The following GPBP1L1 variants were observed in gnomAD, a reference collection of about 807,000 sequenced individuals.
The protein encoded by GPBP1L1 is GC-rich promoter binding protein 1 like 1.
Under a neutral mutation model 52.5 loss-of-function variants are expected in GPBP1L1, and 23 were observed. The ratio of observed to expected loss-of-function variants is 0.44; its 90% CI spans 0.32 to 0.62. The LOEUF is 0.62. Among genes scored for constraint, GPBP1L1 ranks in the 20% least tolerant of loss-of-function variants. The probability of loss-of-function intolerance (pLI) is 0.06; values close to 1 mark genes in which losing one functional copy is unlikely to be tolerated. For missense variants in GPBP1L1, 596 were observed against 579.3 expected, an observed-to-expected ratio of 1.03 and a Z score of -0.30; for synonymous variants, 243 against 203.1, an observed-to-expected ratio of 1.20 and a Z score of -1.67.
At chr1:45,629,709 A>G (rs376335212) in intron 11 of GPBP1L1, 31 bp from the exon 12 acceptor site, 3 of 1,371,946 alleles carry the variant, frequency 2.2e-6, no homozygotes, top group African/African-American at 2.8e-5. Context: ...GGTAAAGAGA[A>G]TACAACATCA....
At chr1:45,647,213 C>T (rs1395938806) in intron 6 of GPBP1L1, among the ~76,000 whole-genome samples, 1 of 140,228 alleles carries the variant, frequency 7.1e-6, no homozygotes, top group Admixed American at 7.7e-5. Flanking sequence ...TCTTGTTGCC[C>T]AGGCCGGAGT....
intron 2 of GPBP1L1, among the ~76,000 whole-genome samples, chr1:45,674,965 A>AT (rs1457110058): frequency 6.6e-6 from 1 of 152,112 alleles, no homozygotes; most frequent in African/African-American, 2.4e-5. Flanking sequence ...GCTTCCATGT[A>AT]GTCCTTTTCT....
chr1:45,664,316 G>A (rs907011828), intron 2 of GPBP1L1, among the ~76,000 whole-genome samples: 26 of 150,874 alleles, frequency 1.7e-4, no homozygotes, highest in African/African-American at 6.3e-4. Flanking sequence ...GTGAGACTCC[G>A]TCTCAAAAAA....
At chr1:45,663,066 C>CAAAAAAAAAAAA (rs1644966043) in intron 2 of GPBP1L1, among the ~76,000 whole-genome samples, 16 of 100,444 alleles carry the variant, frequency 1.6e-4, no homozygotes, top group Middle Eastern at 5.2e-3. Context: ...AAAAAAAAAG[C>CAAAAAAAAAAAA]AAAAAACCCC....
At chr1:45,677,057 C>T (rs928915009) in intron 2 of GPBP1L1, among the ~76,000 whole-genome samples, 2 of 151,656 alleles carry the variant, frequency 1.3e-5, no homozygotes, top group African/African-American at 4.8e-5. Context: ...AAAAAAAGGG[C>T]CAGTGCAGTG....
intron 6 of GPBP1L1, among the ~76,000 whole-genome samples, chr1:45,650,419 T>A (rs1644806042): frequency 6.6e-6 from 1 of 152,228 alleles, no homozygotes; most frequent in Non-Finnish European, 1.5e-5. Flanking sequence ...CTATATCATG[T>A]ACTTCAAAAA....
At chr1:45,679,751 T>A (rs1028889466) in intron 2 of GPBP1L1, among the ~76,000 whole-genome samples, 1 of 152,000 alleles carries the variant, frequency 6.6e-6, no homozygotes, top group African/African-American at 2.4e-5. Flanking sequence ...TCCAAAAAAA[T>A]TTCCTAAAAA....
upstream of GPBP1L1, chr1:45,687,171 TC>T (rs2148536278): frequency 6.6e-6 from 1 of 152,310 alleles, no homozygotes; most frequent in Non-Finnish European, 1.5e-5. Context: ...GAGTAGTAGT[TC>T]CCCTGGAGCG....
At chr1:45,657,713 C>A (rs1190012444) in intron 4 of GPBP1L1, among the ~76,000 whole-genome samples, 1 of 151,904 alleles carries the variant, frequency 6.6e-6, no homozygotes, top group Non-Finnish European at 1.5e-5. Flanking sequence ...GTTAGCTGGG[C>A]ATGGTGGTGC....
rs1468729046 is a variant in GPBP1L1 at position 45,640,191 on chromosome 1, C to T, written c.744+19G>A. 1.3e-6 allele frequency: 2 copies of T among 1,595,912 alleles called. No individual in the cohort carries two copies. Among genetic ancestry groups the T allele is most frequent in the Admixed American group, 1.7e-5 (1 of 59,190 alleles). ...AAACCTCTCTTGTATAAGGTTCTTGCCCTGATTCTAAATCATACCTTGGAA... is the reference window on the plus strand; with the variant it reads ...AAACCTCTCTTGTATAAGGTTCTTGTCCTGATTCTAAATCATACCTTGGAA... On this transcript the variant is annotated intron_variant, in intron 8 of 12. Coordinates refer to ENST00000355105, the MANE Select transcript of GPBP1L1 (RefSeq NM_021639.5).
chr1:45,663,467 A>G (rs948041221), intron 2 of GPBP1L1, among the ~76,000 whole-genome samples: 4 of 152,242 alleles, frequency 2.6e-5, no homozygotes, highest in African/African-American at 9.6e-5. Context: ...CAGTGACTGT[A>G]GAAGAAATAC....
intron 6 of GPBP1L1, among the ~76,000 whole-genome samples, chr1:45,652,872 T>C (rs973058771): frequency 6.6e-6 from 1 of 152,164 alleles, no homozygotes; most frequent in Non-Finnish European, 1.5e-5. Flanking sequence ...TTAAGTGTAA[T>C]GAGCAACATA....
intron 4 of GPBP1L1, among the ~76,000 whole-genome samples, chr1:45,656,311 T>TA (rs1249150236): frequency 6.6e-6 from 1 of 152,174 alleles, no homozygotes; most frequent in Non-Finnish European, 1.5e-5. Context: ...TCTTAAATGA[T>TA]AGAGACCAAA....
At chr1:45,631,241 T>C (rs1404189223) in intron 10 of GPBP1L1, among the ~76,000 whole-genome samples, 3 of 146,524 alleles carry the variant, frequency 2.0e-5, no homozygotes, top group Non-Finnish European at 4.5e-5. Context: ...GTATGACATT[T>C]ATTTATTTAT....
At chr1:45,629,454 T>TTCCCCG (rs758811981) in intron 12 of GPBP1L1, 122 bp downstream of exon 12, 28 of 117,306 alleles carry the variant, frequency 2.4e-4, no homozygotes, top group African/African-American at 1.2e-3. Context: ...ACTAAGGTAA[T>TTCCCCG]CCCCCCCCCC....
upstream of GPBP1L1, chr1:45,686,584 C>A (rs1343150425): frequency 1.3e-5 from 2 of 152,866 alleles, no homozygotes; most frequent in Non-Finnish European, 2.9e-5. Flanking sequence ...GGAGGAGCGA[C>A]CAGCAGCACG....
At chr1:45,635,107 T>A (rs925208863) in intron 8 of GPBP1L1, 1 of 152,216 alleles carries the variant, frequency 6.6e-6, no homozygotes, top group Admixed American at 6.5e-5. Flanking sequence ...CTATCTACCA[T>A]GTACCAGGTG....
chr1:45,654,908 A>G, intron 5 of GPBP1L1, 79 bp from the exon 6 acceptor site: 5 of 1,344,472 alleles, frequency 3.7e-6, no homozygotes, highest in Non-Finnish European at 4.1e-6. Flanking sequence ...GGCCTTCAGG[A>G]GACCTCGTTA....
chr1:45,647,183 T>TTTTC (rs920771729), intron 6 of GPBP1L1, among the ~76,000 whole-genome samples: 2 of 151,484 alleles, frequency 1.3e-5, no homozygotes, highest in African/African-American at 2.4e-5. Context: ...TTTTTTTTTT[T>TTTTC]CTGAGACCAA....
Sources: allele counts gnomAD v4.1 joint callset (sites outside exome capture counted in the v4.1 genomes callset), GRCh38; gene constraint gnomAD v4.1.1; transcripts MANE v1.5; gene names NCBI Gene and HGNC (gene_info 2026-07-23, HGNC 2026-07-21).